Variants in THSD7A observed in about 807,000 individuals in gnomAD.
THSD7A encodes the protein thrombospondin type 1 domain containing 7A, also known as thrombospondin type-1 domain-containing protein 7A.
THSD7A carries 96 observed loss-of-function variants against 231.3 expected under a neutral mutation model. That is an observed-to-expected ratio of 0.41 (90% CI 0.35 to 0.49). THSD7A has a LOEUF of 0.49. THSD7A is among the 20% of genes least tolerant of loss of function. THSD7A has a pLI of 0.05. For missense variants in THSD7A, 2,290 were observed against 2,070.2 expected, an observed-to-expected ratio of 1.11 and a Z score of -2.06; for synonymous variants, 940 against 743.3, an observed-to-expected ratio of 1.26 and a Z score of -4.30.
Position 11,484,874 on chromosome 7 carries a change from A to ATTTTTTTTTTTTTTTTTTT in THSD7A, c.1823-2911_1823-2893dup, listed in dbSNP as rs56353626. Among the ~76,000 whole-genome samples, 45 of 53,816 alleles carry ATTTTTTTTTTTTTTTTTTT rather than the reference A, an allele frequency of 8.4e-4. 11 individuals carry two copies. The highest frequency in any genetic ancestry group is 1.4e-3 in the East Asian group (2 of 1,404). 35.3% of individuals were successfully genotyped at this position (53,816 alleles called of 152,430 possible). A position where few individuals can be genotyped will look rare whatever the true frequency, so the allele number is the denominator to read the frequency against. On this transcript the variant is annotated intron_variant, in intron 6 of 27. Coordinates refer to ENST00000423059, the MANE Select transcript of THSD7A (RefSeq NM_015204.3). The stretch of plus-strand genomic sequence containing the variant: ...CTCAACCCACTGAATCACAACCTTA[A>ATTTTTTTTTTTTTTTTTTT]TTTTTTTTTTTTTTTTTTTTTTTTT...
In THSD7A at chr7:11,431,036, G is replaced by A. The variant is rs143773366; in HGVS notation, c.3065-1911C>T. On this transcript the variant is annotated intron_variant, in intron 13 of 27. Transcript: ENST00000423059. ...TACAGTGAAATTGCTCAGTTATGTG[G>A]TAACTCACTTAGCTTTTTCAGGAAG... 2.4e-3 allele frequency among the ~76,000 whole-genome samples: 371 copies of A among 152,248 alleles called. 1 individual carries two copies. The highest frequency in any genetic ancestry group is 8.5e-3 in the African/African-American group (355 of 41,552).
chr7:11,736,450 A>ACT (rs1781914507), intron 1 of THSD7A, among the ~76,000 whole-genome samples: 1 of 143,266 alleles, frequency 7.0e-6, no homozygotes, highest in Non-Finnish European at 1.5e-5. Context: ...GACACAGCAG[A>ACT]CTCTGTGTGT....
At chr7:11,414,893 CCCTA>C in intron 17 of THSD7A, among the ~76,000 whole-genome samples, 1 of 152,196 alleles carries the variant, frequency 6.6e-6, no homozygotes, top group South Asian at 2.1e-4. Context: ...TGTATATTCT[CCCTA>C]CCTAACACCG....
Position 11,637,553 on chromosome 7 carries a change from T to C in THSD7A, c.191-592A>G, listed in dbSNP as rs1485302265. Among the ~76,000 whole-genome samples, 1 of 151,430 alleles carries C rather than the reference T, an allele frequency of 6.6e-6. No homozygotes were observed. Among genetic ancestry groups the C allele is most frequent in the Non-Finnish European group, 1.5e-5 (1 of 67,938 alleles). On this transcript the variant is annotated intron_variant, in intron 1 of 27. Coordinates refer to ENST00000423059, the MANE Select transcript of THSD7A (RefSeq NM_015204.3). The surrounding 1 kb of genome is among the most constrained non-coding windows in gnomAD (Gnocchi z 4.2). Reference sequence around the variant, plus strand: ...CAAAACTAAGAAGCAAAAATCTTCATTTACACACATTCTGCCTTTAAATTT... The same window carrying C: ...CAAAACTAAGAAGCAAAAATCTTCACTTACACACATTCTGCCTTTAAATTT...
At position 11,411,106 on chromosome 7, in the gene THSD7A, C is replaced by A. The variant is rs962681579; in HGVS notation, c.3798+101G>T. 2.5e-6 allele frequency: 2 copies of A among 785,008 alleles called. No individual in the cohort carries two copies. Among genetic ancestry groups the A allele is most frequent in the Non-Finnish European group, 4.2e-6 (2 of 476,158 alleles). 48.6% of individuals were successfully genotyped at this position (785,008 alleles called of 1,614,324 possible). A position where few individuals can be genotyped will look rare whatever the true frequency, so the allele number is the denominator to read the frequency against. ...TGTGAACAGTGCAGAAAAACATCTG[C>A]TGGCAATGAGCTGCATGGAGCACGG... On this transcript the variant is annotated intron_variant, in intron 19 of 27. Transcript: ENST00000423059. This position sits in a 1 kb window ranked among gnomAD's most constrained non-coding sequence, Gnocchi z 4.1.
At position 11,429,130 on chromosome 7, in the gene THSD7A, G is replaced by A. The variant is rs781632596; in HGVS notation, c.3065-5C>T. 7 of 1,560,518 alleles carry A rather than the reference G, an allele frequency of 4.5e-6. No homozygotes were observed. In the South Asian group the frequency reaches 7.3e-5, roughly 16 times the overall value. ...TGCAGGCCTCCTCAATGTAACCTGA[G>A]TAGAGGAAAATGAGACAAGAATCAT... On this transcript the variant is annotated splice_region_variant and splice_polypyrimidine_tract_variant and intron_variant, in intron 13 of 27. Coordinates refer to ENST00000423059, the MANE Select transcript of THSD7A (RefSeq NM_015204.3).
intron 1 of THSD7A, among the ~76,000 whole-genome samples, chr7:11,690,018 G>GA (rs1383612009): frequency 1.3e-5 from 2 of 151,674 alleles, no homozygotes; most frequent in African/African-American, 4.8e-5. Context: ...TAGCAAATGT[G>GA]AACCTAAGTA....
At chr7:11,541,086 A>T (rs972763806) in intron 6 of THSD7A, among the ~76,000 whole-genome samples, 1 of 152,210 alleles carries the variant, frequency 6.6e-6, no homozygotes, top group Non-Finnish European at 1.5e-5. Context: ...ACTTTTTTAA[A>T]AAAGTCACTT....
chr7:11,743,893 C>T (rs1048826866), intron 1 of THSD7A, among the ~76,000 whole-genome samples: 4 of 151,914 alleles, frequency 2.6e-5, no homozygotes, highest in African/African-American at 7.2e-5. Flanking sequence ...TAGCAATGTA[C>T]TTGAACATTA....
At chr7:11,652,767 C>T (rs1782554091) in intron 1 of THSD7A, among the ~76,000 whole-genome samples, 1 of 151,822 alleles carries the variant, frequency 6.6e-6, no homozygotes, top group Non-Finnish European at 1.5e-5. Context: ...TCTAAAGAAA[C>T]TGAATTTATG....
At chr7:11,384,591 A>G (rs1377887054) in intron 23 of THSD7A, 1 of 151,936 alleles carries the variant, frequency 6.6e-6, no homozygotes, top group Non-Finnish European at 1.5e-5. Context: ...CATTTTGGCA[A>G]TATTATTCAT....
At chr7:11,676,339 A>T (rs946936859) in intron 1 of THSD7A, among the ~76,000 whole-genome samples, 2 of 152,204 alleles carry the variant, frequency 1.3e-5, no homozygotes, top group African/African-American at 4.8e-5. Context: ...GAAAATGCCA[A>T]CAACAAGAAT....
chr7:11,581,110 G>A (rs889893283), intron 4 of THSD7A, among the ~76,000 whole-genome samples: 1 of 151,984 alleles, frequency 6.6e-6, no homozygotes, highest in Non-Finnish European at 1.5e-5. Context: ...CCTTGCAAGT[G>A]TGTGTTCCCA....
At chr7:11,482,971 G>T (rs1265616376) in intron 6 of THSD7A, among the ~76,000 whole-genome samples, 3 of 152,172 alleles carry the variant, frequency 2.0e-5, no homozygotes, top group Non-Finnish European at 4.4e-5. Context: ...ATTAATATAG[G>T]TGGTTAACGA....
intron 1 of THSD7A, among the ~76,000 whole-genome samples, chr7:11,720,461 T>C (rs894837503): frequency 2.0e-5 from 3 of 151,754 alleles, no homozygotes; most frequent in African/African-American, 7.2e-5. Context: ...CTTAATCTCT[T>C]TCTACTGGCT....
chr7:11,678,436 A>G (rs1783730064), intron 1 of THSD7A, among the ~76,000 whole-genome samples: 1 of 151,890 alleles, frequency 6.6e-6, no homozygotes, highest in Non-Finnish European at 1.5e-5. Context: ...TTAACAAAAT[A>G]GATAGACCGC....
intron 6 of THSD7A, among the ~76,000 whole-genome samples, chr7:11,490,652 A>G (rs1004578895): frequency 1.3e-5 from 2 of 151,996 alleles, no homozygotes; most frequent in African/African-American, 4.8e-5. Context: ...TATTCATTTT[A>G]TATCTTCATT....
In THSD7A at chr7:11,424,743, C is replaced by T. The variant is rs1784262214; in HGVS notation, c.3336G>A (p.Val1112=). ...CCTCTCCACAGTTCTCCCGCATATT[C>T]ACAAAGGTCACCTTGCAGATGCTCC... ...EPWSICKVTF[V]NMRENCGEGV... The change falls in exon 16 of 28, where the codon GTG becomes GTA. Residue 1112 remains valine, a synonymous_variant. Coordinates refer to ENST00000423059, the MANE Select transcript of THSD7A (RefSeq NM_015204.3). 1.9e-6 allele frequency: 3 copies of T among 1,613,872 alleles called. No individual in the cohort carries two copies. Among genetic ancestry groups the T allele is most frequent in the South Asian group, 2.2e-5 (2 of 91,088 alleles).
chr7:11,500,461 A>G (rs1787285020), intron 6 of THSD7A, among the ~76,000 whole-genome samples: 1 of 152,144 alleles, frequency 6.6e-6, no homozygotes, highest in African/African-American at 2.4e-5. Flanking sequence ...ATCCATACAT[A>G]TTAATACTAA....
Sources: allele counts gnomAD v4.1 joint callset (sites outside exome capture counted in the v4.1 genomes callset), GRCh38; gene constraint gnomAD v4.1.1; non-coding constraint Gnocchi (gnomAD v3.1); transcripts MANE v1.5; gene names NCBI Gene and HGNC (gene_info 2026-07-23, HGNC 2026-07-21).